NCBP1: variants seen among roughly 807,000 people sequenced by gnomAD.
NCBP1 encodes nuclear cap-binding protein subunit 1.
In NCBP1, 16 loss-of-function variants were observed where a neutral mutation model predicts 111.7. The ratio of observed to expected loss-of-function variants is 0.14; its 90% confidence interval spans 0.10 to 0.22. The LOEUF is 0.22. Among genes scored for constraint, NCBP1 ranks in the 10% least tolerant of loss-of-function variants. The probability of loss-of-function intolerance (pLI) is 1.00; values close to 1 mark genes in which losing one functional copy is unlikely to be tolerated. For synonymous variants in NCBP1, 304 were observed against 314.3 expected (o/e 0.97, Z 0.35); for missense variants, 607 against 957.5 (o/e 0.63, Z 4.83).
chr9:97,650,424 GTC>G lies in NCBP1; in HGVS notation c.898-74_898-73del, dbSNP rs1200721011. ...CCAGTTTAGTGCTTGGAACATAATA[GTC>G]TCTCAAATATTTGTTGAATAAGTAA... On this transcript the variant is annotated intron_variant, in intron 8 of 22. Coordinates refer to ENST00000375147, the MANE Select transcript of NCBP1 (RefSeq NM_002486.5). 10 of 1,044,652 alleles carry G rather than the reference GTC, an allele frequency of 9.6e-6. No homozygotes were observed. The Admixed American group carries it at 2.0e-4, about 21-fold the overall frequency. The allele number at this position is 1,044,652 out of a possible 1,614,324, so 64.7% of individuals were successfully genotyped here. A position where few individuals can be genotyped will look rare whatever the true frequency, so the allele number is the denominator to read the frequency against.
intron 6 of NCBP1, among the ~76,000 whole-genome samples, chr9:97,646,823 G>T (rs1441006831): frequency 1.5e-5 from 2 of 129,446 alleles, no homozygotes; most frequent in African/African-American, 3.1e-5. Flanking sequence ...CTGGGCAACA[G>T]AGTGAGACTC....
intron 12 of NCBP1, 94 bp from the exon 13 acceptor site, chr9:97,655,608 C>A: frequency 1.1e-6 from 1 of 930,340 alleles, no homozygotes; most frequent in Non-Finnish European, 1.6e-6. Context: ...TCTGTAAAGT[C>A]GGGTTTTATC....
At chr9:97,671,028 C>A (rs2131373631) in intron 22 of NCBP1, 58 bp from the exon 23 acceptor site, 2 of 1,170,448 alleles carry the variant, frequency 1.7e-6, no homozygotes, top group Middle Eastern at 2.0e-4. Context: ...GGAAATGTTC[C>A]ACAAGATTGC....
intron 15 of NCBP1, among the ~76,000 whole-genome samples, chr9:97,659,082 G>A (rs909659990): frequency 6.6e-6 from 1 of 152,204 alleles, no homozygotes; most frequent in African/African-American, 2.4e-5. Flanking sequence ...TTCAGGTGTG[G>A]TATTGAGAAC....
intron 20 of NCBP1, 63 bp downstream of exon 20, chr9:97,666,940 C>A: frequency 1.7e-6 from 2 of 1,196,162 alleles, no homozygotes; most frequent in East Asian, 2.5e-5. Context: ...GGAGAGGATT[C>A]AGAGTTCATT....
intron 14 of NCBP1, among the ~76,000 whole-genome samples, chr9:97,658,310 T>G (rs987865208): frequency 9.2e-5 from 14 of 152,226 alleles, no homozygotes; most frequent in Non-Finnish European, 1.6e-4. Context: ...GCTTCCATTA[T>G]CCTCAATATT....
chr9:97,645,512 T>C, intron 5 of NCBP1, 99 bp from the exon 6 acceptor site: 6 of 1,270,578 alleles, frequency 4.7e-6, no homozygotes, highest in Non-Finnish European at 2.2e-6. Context: ...ATTTAAGTCC[T>C]ATTAAATAGC....
chr9:97,670,134 G>T, intron 22 of NCBP1: 1 of 288,288 alleles, frequency 3.5e-6, no homozygotes, highest in Non-Finnish European at 6.9e-6. Flanking sequence ...TGTTGGCCAG[G>T]CTAGTCTCAA....
At chr9:97,642,955 TATG>T (rs1827241586) in intron 3 of NCBP1, among the ~76,000 whole-genome samples, 1 of 152,172 alleles carries the variant, frequency 6.6e-6, no homozygotes. Context: ...TTTATTTCAG[TATG>T]ATAACTTTAC....
chr9:97,635,843 C>CT (rs1444106249), intron 1 of NCBP1: 2 of 152,128 alleles, frequency 1.3e-5, no homozygotes, highest in Non-Finnish European at 2.9e-5. Flanking sequence ...CTAATGCTTC[C>CT]TTTTTCTCAC....
intron 11 of NCBP1, among the ~76,000 whole-genome samples, chr9:97,654,225 C>T (rs1827578977): frequency 6.6e-6 from 1 of 152,054 alleles, no homozygotes; most frequent in Non-Finnish European, 1.5e-5. Flanking sequence ...AGCATTTTAC[C>T]CACAGTAGAA....
intron 20 of NCBP1, among the ~76,000 whole-genome samples, chr9:97,667,759 T>A (rs1828052945): frequency 1.3e-5 from 2 of 152,230 alleles, no homozygotes; most frequent in Non-Finnish European, 2.9e-5. Context: ...AAATACAATT[T>A]AACATTCAGT....
chr9:97,651,475 G>A lies in NCBP1; in HGVS notation c.1059+102G>A, dbSNP rs913780613. On this transcript the variant is annotated intron_variant, in intron 10 of 22. Coordinates refer to ENST00000375147, the MANE Select transcript of NCBP1 (RefSeq NM_002486.5). ...TTATTTATTTATTTATTTATTTATT[G>A]CTACTTGTCCAGCATTCAGAATTAA... 1.7e-5 allele frequency: 18 copies of A among 1,033,942 alleles called. No homozygotes were observed. The East Asian group carries it at 4.8e-4, about 28-fold the overall frequency. 64.0% of individuals were successfully genotyped at this position (1,033,942 alleles called of 1,614,324 possible). A position where few individuals can be genotyped will look rare whatever the true frequency, so the allele number is the denominator to read the frequency against.
Position 97,648,115 on chromosome 9 carries a change from A to G in NCBP1, c.789A>G (p.Ala263=), listed in dbSNP as rs1427276902. 6.2e-7 allele frequency: 1 copy of G among 1,614,168 alleles called. No homozygotes were observed. Among genetic ancestry groups the G allele is most frequent in the Admixed American group, 1.7e-5 (1 of 60,026 alleles). The part of the protein sequence containing the change: ...YLAFDSILCE[A]LQHNLPPFTP... ...CCTTTGACAGCATCCTGTGTGAAGC[A>G]CTGCAGCACAATCTGCCTCCTTTTA... is the stretch of plus-strand genomic sequence containing the variant. The change falls in exon 8 of 23, where the codon GCA becomes GCG. Residue 263 remains alanine, a synonymous_variant. Transcript: ENST00000375147.
At chr9:97,639,094 A>G (rs1263422304) in intron 1 of NCBP1, among the ~76,000 whole-genome samples, 3 of 152,192 alleles carry the variant, frequency 2.0e-5, no homozygotes, top group African/African-American at 7.2e-5. Context: ...TGTGCCACAC[A>G]TGTCTACAAC....
At chr9:97,644,663 CAG>C (rs1389286096) in intron 4 of NCBP1, among the ~76,000 whole-genome samples, 3 of 152,066 alleles carry the variant, frequency 2.0e-5, no homozygotes, top group African/African-American at 4.8e-5. Flanking sequence ...TACAGCCAAA[CAG>C]AAAAGGAGAT....
At chr9:97,661,108 A>G in intron 16 of NCBP1, 40 bp downstream of exon 16, 1 of 1,604,102 alleles carries the variant, frequency 6.2e-7, no homozygotes, top group Non-Finnish European at 8.5e-7. Flanking sequence ...AACTATGTAT[A>G]GGCCAACTTA....
At chr9:97,645,310 C>T (rs990319196) in intron 5 of NCBP1, 86 bp downstream of exon 5, 39 of 1,037,478 alleles carry the variant, frequency 3.8e-5, no homozygotes, top group Non-Finnish European at 4.5e-5. Context: ...AGGAATTTTT[C>T]GCTGATAACC....
intron 15 of NCBP1, among the ~76,000 whole-genome samples, chr9:97,660,472 CCT>C (rs1222835393): frequency 1.3e-5 from 2 of 152,280 alleles, no homozygotes; most frequent in African/African-American, 2.4e-5. Context: ...AAAAACAAAA[CCT>C]CTCTGAAGTT....
Sources: allele counts gnomAD v4.1 joint callset (sites outside exome capture counted in the v4.1 genomes callset), GRCh38; gene constraint gnomAD v4.1.1; transcripts MANE v1.5; gene names NCBI Gene and HGNC (gene_info 2026-07-23, HGNC 2026-07-21).